The following SORCS2 variants were observed in gnomAD, a reference collection of about 807,000 sequenced individuals.
SORCS2 encodes the protein sortilin related VPS10 domain containing receptor 2.
Under a neutral mutation model 141.6 loss-of-function variants are expected in SORCS2, and 100 were observed. That is an observed-to-expected ratio of 0.71 (90% CI 0.60 to 0.83). The LOEUF is 0.83. Among genes scored for constraint, SORCS2 ranks in the 40% least tolerant of loss-of-function variants. The pLI, the probability that SORCS2 is intolerant of heterozygous loss-of-function variation, is 0.00. For synonymous variants in SORCS2, 789 were observed against 676.9 expected (o/e 1.17, Z -2.57); for missense variants, 1,646 against 1,560.2 (o/e 1.05, Z -0.93).
intron 2 of SORCS2, among the ~76,000 whole-genome samples, chr4:7,415,955 T>C (rs970225478): frequency 6.6e-6 from 1 of 152,048 alleles, no homozygotes; most frequent in African/African-American, 2.4e-5. Flanking sequence ...GAAGGATGGA[T>C]AGGAGTTTTC....
Position 7,297,699 on chromosome 4 carries a change from C to T in SORCS2, c.481-98589C>T, listed in dbSNP as rs201662848. On this transcript the variant is annotated intron_variant, in intron 1 of 26. Coordinates refer to ENST00000507866, the MANE Select transcript of SORCS2 (RefSeq NM_020777.3). ...TCCCAACCTGAGACGAAAGAGCTGC[C>T]GTGTAGAAGGGACTTAGACGTGTCT... Among the ~76,000 whole-genome samples, 71 of 152,320 alleles carry T rather than the reference C, an allele frequency of 4.7e-4. 1 individual carries two copies. The Middle Eastern group carries it at 0.02, about 44-fold the overall frequency.
At chr4:7,719,150 C>T (rs1175116151) in intron 18 of SORCS2, among the ~76,000 whole-genome samples, 1 of 152,218 alleles carries the variant, frequency 6.6e-6, no homozygotes, top group Non-Finnish European at 1.5e-5. Flanking sequence ...GCTAGTGCGG[C>T]TTCACAGTGA....
chr4:7,692,723 C>G (rs1724336201), intron 11 of SORCS2, among the ~76,000 whole-genome samples: 1 of 152,206 alleles, frequency 6.6e-6, no homozygotes, highest in South Asian at 2.1e-4. Flanking sequence ...GCACTCGATT[C>G]TTCCCTGGGG....
intron 1 of SORCS2, among the ~76,000 whole-genome samples, chr4:7,314,339 TTA>T (rs755948176): frequency 2.0e-5 from 2 of 102,224 alleles, no homozygotes; most frequent in African/African-American, 4.8e-5. Context: ...TTTATTTTTT[TTA>T]TTTTTTTTTA....
intron 1 of SORCS2, among the ~76,000 whole-genome samples, chr4:7,390,828 T>C (rs544843947): frequency 9.2e-5 from 14 of 152,266 alleles, no homozygotes; most frequent in African/African-American, 3.4e-4. Context: ...GTTATTAGGT[T>C]TGGAATTGAA....
chr4:7,467,426 G>A (rs1209013990), intron 2 of SORCS2, among the ~76,000 whole-genome samples: 4 of 152,182 alleles, frequency 2.6e-5, no homozygotes, highest in East Asian at 1.9e-4. Flanking sequence ...AGGAGGTGGC[G>A]ACTGCCAGGT....
At chr4:7,613,526 A>G (rs893641117) in intron 3 of SORCS2, among the ~76,000 whole-genome samples, 5 of 152,182 alleles carry the variant, frequency 3.3e-5, no homozygotes, top group Non-Finnish European at 5.9e-5. Flanking sequence ...TCTGGGCCCC[A>G]TGTGAGGATA....
At chr4:7,236,179 A>C (rs375223777) in intron 1 of SORCS2, among the ~76,000 whole-genome samples, 4 of 152,338 alleles carry the variant, frequency 2.6e-5, no homozygotes, top group South Asian at 4.1e-4. Context: ...AGGAGAAAAT[A>C]AATACAGAAG....
At chr4:7,392,764 A>G (rs1280357158) in intron 1 of SORCS2, among the ~76,000 whole-genome samples, 2 of 151,734 alleles carry the variant, frequency 1.3e-5, no homozygotes, top group African/African-American at 4.8e-5. Context: ...ATGAAGTGCA[A>G]ACCCATAAAA....
At position 7,664,249 on chromosome 4, in the gene SORCS2, A is replaced by C; in HGVS notation, c.953-104A>C. ...CTTTAGAATTCAAGCCCATGAAGCCACACCACAGCGGTATTGGAGGAAGAT... is the reference window on the plus strand; with the variant it reads ...CTTTAGAATTCAAGCCCATGAAGCCCCACCACAGCGGTATTGGAGGAAGAT... On this transcript the variant is annotated intron_variant, in intron 6 of 26. Transcript: ENST00000507866. This position sits in a 1 kb window ranked among gnomAD's most constrained non-coding sequence, Gnocchi z 4.7. 2.3e-6 allele frequency: 2 copies of C among 885,836 alleles called. No homozygotes were observed. Among genetic ancestry groups the C allele is most frequent in the Non-Finnish European group, 3.5e-6 (2 of 579,222 alleles). The allele number at this position is 885,836 out of a possible 1,614,324, so 54.9% of individuals were successfully genotyped here. A position where few individuals can be genotyped will look rare whatever the true frequency, so the allele number is the denominator to read the frequency against.
Position 7,356,036 on chromosome 4 carries a change from T to G in SORCS2, c.481-40252T>G, listed in dbSNP as rs915327334. 3.9e-5 allele frequency among the ~76,000 whole-genome samples: 6 copies of G among 152,190 alleles called. No homozygotes were observed. In the East Asian group the frequency reaches 1.2e-3, roughly 29 times the overall value. Reference sequence around the variant, plus strand: ...TTCTGTCCTTTGAGATGTCCACGCTTGTTGCTGCCCCAGGGCCTTTGCACC... The same window carrying G: ...TTCTGTCCTTTGAGATGTCCACGCTGGTTGCTGCCCCAGGGCCTTTGCACC... On this transcript the variant is annotated intron_variant, in intron 1 of 26. Transcript: ENST00000507866.
chr4:7,396,193 C>A (rs915156056), intron 1 of SORCS2, 95 bp from the exon 2 acceptor site: 4 of 1,201,632 alleles, frequency 3.3e-6, no homozygotes, highest in Non-Finnish European at 3.6e-6. Flanking sequence ...TATTTAGAGA[C>A]CCCAAATTCT....
rs1390248270 is a variant in SORCS2 at position 7,208,975 on chromosome 4, C to T, written c.480+15849C>T. Among the ~76,000 whole-genome samples the T allele has an allele frequency of 3.3e-5, 5 of 152,208 alleles. No homozygotes were observed. In the South Asian group the frequency reaches 1.0e-3, roughly 31 times the overall value. On this transcript the variant is annotated intron_variant, in intron 1 of 26. Transcript: ENST00000507866. ...AGACAGCCTGGCCTGCCTCAGGGGGCCCCTGCCTGCGTCCCTCACCCCGGA... is the reference window on the plus strand; with the variant it reads ...AGACAGCCTGGCCTGCCTCAGGGGGTCCCTGCCTGCGTCCCTCACCCCGGA...
At position 7,193,545 on chromosome 4, in the gene SORCS2, T is replaced by A. The variant is rs1263507698; in HGVS notation, c.480+419T>A. The stretch of plus-strand genomic sequence containing the variant: ...CGTTCTGGGATTTTGGGCTCCGGGA[T>A]CCTTCCCTCCCTGGTCTACCAGGGA... On this transcript the variant is annotated intron_variant, in intron 1 of 26. Coordinates refer to ENST00000507866, the MANE Select transcript of SORCS2 (RefSeq NM_020777.3). This position sits in a 1 kb window ranked among gnomAD's most constrained non-coding sequence, Gnocchi z 4.8. Among the ~76,000 whole-genome samples, 13 of 152,128 alleles carry A rather than the reference T, an allele frequency of 8.5e-5. No homozygotes were observed. The highest frequency in any genetic ancestry group is 3.1e-4 in the African/African-American group (13 of 41,440).
intron 18 of SORCS2, among the ~76,000 whole-genome samples, chr4:7,721,203 G>C (rs939096814): frequency 6.6e-6 from 1 of 152,192 alleles, no homozygotes; most frequent in Admixed American, 6.5e-5. Flanking sequence ...GGTGTCTCAC[G>C]CCTGTGATCC....
At chr4:7,255,215 A>G (rs931862669) in intron 1 of SORCS2, among the ~76,000 whole-genome samples, 3 of 151,886 alleles carry the variant, frequency 2.0e-5, no homozygotes, top group African/African-American at 7.3e-5. Context: ...AGAAGAAGGC[A>G]AGTGTAACCA....
chr4:7,312,781 G>T (rs1718266057), intron 1 of SORCS2, among the ~76,000 whole-genome samples: 1 of 152,236 alleles, frequency 6.6e-6, no homozygotes, highest in African/African-American at 2.4e-5. Flanking sequence ...GGCTTCCACT[G>T]CAGTTCAGGA....
intron 18 of SORCS2, 59 bp downstream of exon 18, chr4:7,718,242 G>C (rs1407744839): frequency 6.4e-7 from 1 of 1,567,626 alleles, no homozygotes; most frequent in African/African-American, 1.4e-5. Context: ...GCTCCAACTG[G>C]GCACGCAGAA....
At chr4:7,669,745 C>T (rs1722690254) in intron 8 of SORCS2, among the ~76,000 whole-genome samples, 1 of 152,228 alleles carries the variant, frequency 6.6e-6, no homozygotes, top group Admixed American at 6.5e-5. Context: ...GTCTTCTCCC[C>T]CAGTTCTTGG....
Sources: gnomAD v4.1 joint callset for allele counts (sites outside exome capture counted in the v4.1 genomes callset) on GRCh38, gnomAD v4.1.1 for gene constraint, Gnocchi (gnomAD v3.1) non-coding constraint, MANE v1.5 for transcripts, NCBI Gene and HGNC (gene_info 2026-07-23, HGNC 2026-07-21) for gene names.